Variants in NAT1 observed in about 807,000 individuals in gnomAD.
The protein encoded by NAT1 is arylamine N-acetyltransferase 1.
For missense variants in NAT1, 400 were observed against 339.2 expected (o/e 1.18, Z -1.41); for synonymous variants, 144 against 122.6 (o/e 1.17, Z -1.16).
At chr8:18,216,622 G>A (rs1272063850) in intron 1 of NAT1, among the ~76,000 whole-genome samples, 1 of 152,174 alleles carries the variant, frequency 6.6e-6, no homozygotes, top group East Asian at 1.9e-4. Context: ...TGTCCTGGGG[G>A]TGAGAAGTTG....
chr8:18,176,777 G>C (rs1179530586), intron 2 of NAT1, among the ~76,000 whole-genome samples: 1 of 151,778 alleles, frequency 6.6e-6, no homozygotes, highest in Non-Finnish European at 1.5e-5. Context: ...TTTAAAAGGA[G>C]TTGTATTGAG....
At chr8:18,211,500 G>A (rs2117337668) in intron 1 of NAT1, among the ~76,000 whole-genome samples, 1 of 152,342 alleles carries the variant, frequency 6.6e-6, no homozygotes, top group South Asian at 2.1e-4. Context: ...GCTGCCCAGA[G>A]ACTTATTTTG....
At chr8:18,220,294 G>A (rs185177725) in intron 2 of NAT1, among the ~76,000 whole-genome samples, 1 of 152,244 alleles carries the variant, frequency 6.6e-6, no homozygotes, top group East Asian at 1.9e-4. Context: ...CTGGCAATAT[G>A]GGGAGGATAG....
At chr8:18,210,993 T>C (rs139022987) in intron 1 of NAT1, among the ~76,000 whole-genome samples, 10 of 152,262 alleles carry the variant, frequency 6.6e-5, no homozygotes, top group Non-Finnish European at 1.3e-4. Flanking sequence ...TTAGTAGCGA[T>C]GGGGTTTCAC....
intron 2 of NAT1, among the ~76,000 whole-genome samples, chr8:18,183,920 C>T (rs1249558125): frequency 2.0e-5 from 3 of 152,170 alleles, no homozygotes; most frequent in Non-Finnish European, 4.4e-5. Context: ...ACAACCCTGC[C>T]CCTATGACTT....
intron 2 of NAT1, among the ~76,000 whole-genome samples, chr8:18,193,631 C>CTTTTTT (rs796247875): frequency 1.9e-4 from 11 of 57,550 alleles, no homozygotes; most frequent in African/African-American, 3.6e-4. Flanking sequence ...TGTAAACCTG[C>CTTTTTT]TTTTTTTTTT....
chr8:18,192,293 C>T (rs1294652792), intron 2 of NAT1, among the ~76,000 whole-genome samples: 2 of 152,290 alleles, frequency 1.3e-5, no homozygotes, highest in Non-Finnish European at 1.5e-5. Flanking sequence ...CAATGAGATA[C>T]CATCTCACAC....
intron 2 of NAT1, among the ~76,000 whole-genome samples, chr8:18,181,069 T>C (rs1012445159): frequency 1.3e-5 from 2 of 152,170 alleles, no homozygotes; most frequent in African/African-American, 4.8e-5. Context: ...TAGGAATGCA[T>C]TGAATCTGTA....
intron 2 of NAT1, among the ~76,000 whole-genome samples, chr8:18,197,807 G>C (rs968529946): frequency 2.6e-5 from 4 of 152,060 alleles, no homozygotes; most frequent in African/African-American, 9.7e-5. Flanking sequence ...GATTATCAGG[G>C]ATGGGCATGT....
At chr8:18,180,006 A>C (rs1277550105) in intron 2 of NAT1, among the ~76,000 whole-genome samples, 2 of 152,194 alleles carry the variant, frequency 1.3e-5, no homozygotes, top group Non-Finnish European at 2.9e-5. Context: ...GGGGCATAGT[A>C]AGAAGTCAGA....
chr8:18,200,912 T>C (rs1323285551), intron 2 of NAT1: 1 of 152,146 alleles, frequency 6.6e-6, no homozygotes, highest in Non-Finnish European at 1.5e-5. Context: ...AGGGTAAATA[T>C]AATTTTTAGC....
intron 2 of NAT1, among the ~76,000 whole-genome samples, chr8:18,183,507 C>T (rs1802605021): frequency 6.6e-6 from 1 of 152,142 alleles, no homozygotes; most frequent in African/African-American, 2.4e-5. Context: ...AAGAAGCCGG[C>T]AGAAGAAGTT....
chr8:18,172,532 T>C (rs1802136972), intron 2 of NAT1, among the ~76,000 whole-genome samples: 1 of 152,178 alleles, frequency 6.6e-6, no homozygotes, highest in Non-Finnish European at 1.5e-5. Flanking sequence ...ATACATGCTA[T>C]TTCCCCTGGC....
chr8:18,172,400 G>C (rs1254045412), intron 2 of NAT1, among the ~76,000 whole-genome samples: 1 of 152,178 alleles, frequency 6.6e-6, no homozygotes, highest in African/African-American at 2.4e-5. Context: ...AAAGTCACCA[G>C]TGACCTTCTG....
chr8:18,187,516 C>A (rs757953701), intron 2 of NAT1, among the ~76,000 whole-genome samples: 1 of 152,072 alleles, frequency 6.6e-6, no homozygotes, highest in Non-Finnish European at 1.5e-5. Flanking sequence ...TGGAATACTA[C>A]GCAGCCATAA....
At chr8:18,202,422 C>A (rs1010034955) in intron 2 of NAT1, among the ~76,000 whole-genome samples, 1 of 152,158 alleles carries the variant, frequency 6.6e-6, no homozygotes, top group Non-Finnish European at 1.5e-5. Flanking sequence ...CTATTGTGTC[C>A]GGAATTTATT....
intron 2 of NAT1, among the ~76,000 whole-genome samples, chr8:18,202,773 G>A (rs959400381): frequency 2.0e-5 from 3 of 152,262 alleles, no homozygotes; most frequent in Non-Finnish European, 2.9e-5. Context: ...CAAAGAGTGA[G>A]GAGCAGCAAG....
chr8:18,209,521 T>C (rs1229203436), upstream of NAT1, among the ~76,000 whole-genome samples: 2 of 152,144 alleles, frequency 1.3e-5, no homozygotes, highest in African/African-American at 2.4e-5. Context: ...GCAAGAGTTG[T>C]AGATCAATAC....
At chr8:18,204,038 G>C (rs535222444) in intron 2 of NAT1, among the ~76,000 whole-genome samples, 1 of 152,066 alleles carries the variant, frequency 6.6e-6, no homozygotes, top group African/African-American at 2.4e-5. Context: ...CCTTCCGCAC[G>C]CACTATGTAG....
Sources: gnomAD v4.1 joint callset for allele counts (sites outside exome capture counted in the v4.1 genomes callset) on GRCh38, gnomAD v4.1.1 for gene constraint, MANE v1.5 for transcripts, NCBI Gene and HGNC (gene_info 2026-07-23, HGNC 2026-07-21) for gene names.